Variants in NUP205 observed in about 807,000 individuals in gnomAD.
The protein encoded by NUP205 is nuclear pore complex protein Nup205.
NUP205 carries 76 observed loss-of-function variants against 253.8 expected under a neutral mutation model. That is an observed-to-expected ratio of 0.30 (90% CI 0.25 to 0.36). The LOEUF (loss-of-function observed/expected upper bound fraction) is 0.36. Among genes scored for constraint, NUP205 ranks in the 10% least tolerant of loss-of-function variants. NUP205 has a pLI of 1.00. For synonymous variants in NUP205, 832 were observed against 850.1 expected, an observed-to-expected ratio of 0.98 and a Z score of 0.37; for missense variants, 2,162 against 2,425.5, an observed-to-expected ratio of 0.89 and a Z score of 2.28.
rs532164978 is a variant in NUP205 at position 135,586,955 on chromosome 7, G to A, written c.1219-620G>A. 2.6e-5 allele frequency among the ~76,000 whole-genome samples: 4 copies of A among 152,040 alleles called. No individual in the cohort carries two copies. The East Asian group carries it at 5.8e-4, about 22-fold the overall frequency. On this transcript the variant is annotated intron_variant, in intron 8 of 42. Transcript: ENST00000285968. ...CAAGTTGGTTGATGCTGTTTTTCAA[G>A]TTTTCCATATCCTTACTGATTTTCT... is the stretch of plus-strand genomic sequence containing the variant.
chr7:135,566,434 T>A (rs1196221028), intron 1 of NUP205, among the ~76,000 whole-genome samples: 1 of 152,216 alleles, frequency 6.6e-6, no homozygotes, highest in Admixed American at 6.6e-5. Context: ...GCATAGGTAC[T>A]CATGTTGCCT....
chr7:135,594,100 T>C (rs1793762047), intron 12 of NUP205, among the ~76,000 whole-genome samples: 1 of 152,192 alleles, frequency 6.6e-6, no homozygotes, highest in East Asian at 1.9e-4. Context: ...GTATAGTTAT[T>C]ACATATCAAC....
At chr7:135,623,882 A>G (rs569181410) in intron 31 of NUP205, among the ~76,000 whole-genome samples, 1 of 152,164 alleles carries the variant, frequency 6.6e-6, no homozygotes, top group Non-Finnish European at 1.5e-5. Flanking sequence ...TCCCGAGTTC[A>G]CGCCATTCTC....
At chr7:135,606,938 A>G (rs781698821) in intron 21 of NUP205, 23 bp downstream of exon 21, 2 of 1,601,420 alleles carry the variant, frequency 1.2e-6, no homozygotes, top group African/African-American at 1.3e-5. Flanking sequence ...ACATAAAGGC[A>G]TTTCTTTCCT....
rs1447564271 is a variant in NUP205 at position 135,570,044 on chromosome 7, TATATATATAG to T, written c.29-1059_29-1050del. On this transcript the variant is annotated intron_variant, in intron 1 of 42. Coordinates refer to ENST00000285968, the MANE Select transcript of NUP205 (RefSeq NM_015135.3). ...TGTTTATGTTTTATATATATATATA[TATATATATAG>T]AGAGAGAGAGAGAGAGAGAGAGAGA... 7.0e-4 allele frequency among the ~76,000 whole-genome samples: 71 copies of T among 101,876 alleles called. 1 individual carries two copies. The highest frequency in any genetic ancestry group is 1.6e-3 in the African/African-American group (47 of 30,178). The allele number at this position is 101,876 out of a possible 152,430, so 66.8% of individuals were successfully genotyped here.
chr7:135,557,997 G>C (rs781283481), intron 1 of NUP205, 25 bp downstream of exon 1: 1 of 1,601,892 alleles, frequency 6.2e-7, no homozygotes, highest in Non-Finnish European at 8.6e-7. Context: ...ACAGAAAGAC[G>C]ATTGAGCTGA....
intron 16 of NUP205, 107 bp from the exon 17 acceptor site, chr7:135,601,259 TTATC>T (rs1305107043): frequency 2.0e-6 from 2 of 990,416 alleles, no homozygotes; most frequent in East Asian, 4.9e-5. Context: ...AAACTTGCCT[TTATC>T]TATCTAGATG....
intron 19 of NUP205, among the ~76,000 whole-genome samples, chr7:135,604,826 T>A (rs1393169435): frequency 6.6e-6 from 1 of 152,222 alleles, no homozygotes; most frequent in Non-Finnish European, 1.5e-5. Context: ...TTCTGAATAT[T>A]TCGTTGTTGT....
intron 1 of NUP205, 59 bp from the exon 2 acceptor site, chr7:135,571,046 A>C: frequency 7.1e-7 from 1 of 1,398,642 alleles, no homozygotes; most frequent in Non-Finnish European, 9.6e-7. Context: ...TGGTAACCTC[A>C]CATTATTTTT....
rs745730777 is a variant in NUP205, at chr7:135,607,376, A to G, written c.3195+5A>G. ...CTGGCTGAGCTATGTTACCAGGTAC[A>G]CAGAAAACTGCGTTTTGTGGTACTG... On this transcript the variant is annotated splice_donor_5th_base_variant and intron_variant, in intron 22 of 42. Transcript: ENST00000285968. 7 of 1,612,756 alleles carry G rather than the reference A, an allele frequency of 4.3e-6. No homozygotes were observed. Among genetic ancestry groups the G allele is most frequent in the Non-Finnish European group, 3.4e-6 (4 of 1,179,478 alleles).
chr7:135,559,424 T>C (rs1805518430), intron 1 of NUP205, among the ~76,000 whole-genome samples: 1 of 151,998 alleles, frequency 6.6e-6, no homozygotes, highest in African/African-American at 2.4e-5. Flanking sequence ...AGTGCAGTGA[T>C]GCGATCCGCG....
Position 135,644,851 on chromosome 7 carries a change from C to A in NUP205, c.5560-44C>A, listed in dbSNP as rs187726698. 38 of 1,590,094 alleles carry A rather than the reference C, an allele frequency of 2.4e-5. No homozygotes were observed. In the African/African-American group the frequency reaches 4.6e-4, roughly 19 times the overall value. On this transcript the variant is annotated intron_variant, in intron 39 of 42. Transcript: ENST00000285968. ...GATAGTAGTTTTTCATTAAAAATTT[C>A]ATTCCAGTTGATGTCATTCTAATAC...
At chr7:135,593,270 T>G in intron 12 of NUP205, 78 bp downstream of exon 12, 1 of 1,275,002 alleles carries the variant, frequency 7.8e-7, no homozygotes, top group Non-Finnish European at 1.1e-6. Context: ...CATTTTCTTT[T>G]AATTTAAGAG....
At chr7:135,617,812 G>A (rs1794392599) in intron 27 of NUP205, 130 bp downstream of exon 27, 2 of 477,444 alleles carry the variant, frequency 4.2e-6, no homozygotes, top group Non-Finnish European at 7.6e-6. Flanking sequence ...CATTTAGGGA[G>A]TCTTTCACTT....
chr7:135,604,346 A>G lies in NUP205; in HGVS notation c.2709A>G (p.Leu903=), dbSNP rs145526430. 2.0e-4 allele frequency: 327 copies of G among 1,606,600 alleles called. 1 individual carries two copies. In the African/African-American group the frequency reaches 3.8e-3, roughly 19 times the overall value. The change falls in exon 19 of 43, where the codon CTA becomes CTG. Residue 903 remains leucine (L), a synonymous_variant. Transcript: ENST00000285968. ...ADNVVNIARY[L]YHGNTNPELA... ...TGTTTTCTTTTCTTTAAAGATACCT[A>G]TATCATGGCAATACTAATCCAGAAT...
chr7:135,586,838 A>G (rs1385304320), intron 8 of NUP205, among the ~76,000 whole-genome samples: 1 of 152,200 alleles, frequency 6.6e-6, no homozygotes, highest in African/African-American at 2.4e-5. Flanking sequence ...GGCTCAGAAT[A>G]TGGCCTATCT....
intron 20 of NUP205, among the ~76,000 whole-genome samples, chr7:135,606,462 G>A (rs941791486): frequency 2.6e-5 from 4 of 152,012 alleles, no homozygotes; most frequent in Non-Finnish European, 4.4e-5. Flanking sequence ...TGGATTTTTG[G>A]ATTTTTGGAT....
At chr7:135,605,345 TCA>T (rs1794064301) in intron 19 of NUP205, among the ~76,000 whole-genome samples, 1 of 152,202 alleles carries the variant, frequency 6.6e-6, no homozygotes, top group South Asian at 2.1e-4. Flanking sequence ...GTGTAGTCCT[TCA>T]TAGAGTCCCT....
At chr7:135,614,317 T>C in intron 23 of NUP205, 44 bp downstream of exon 23, 1 of 1,016,954 alleles carries the variant, frequency 9.8e-7, no homozygotes. Context: ...CATTTATAAT[T>C]CCATGTTAAG....
Sources: allele counts gnomAD v4.1 joint callset (sites outside exome capture counted in the v4.1 genomes callset), GRCh38; gene constraint gnomAD v4.1.1; transcripts MANE v1.5; gene names NCBI Gene and HGNC (gene_info 2026-07-23, HGNC 2026-07-21).